Variants in COL6A5 observed in about 807,000 individuals in gnomAD.
The protein encoded by COL6A5 is collagen alpha-5(VI) chain.
COL6A5 carries 48 observed loss-of-function variants against 65.6 expected under a neutral mutation model. That is an observed-to-expected ratio of 0.73 (90% CI 0.58 to 0.93). COL6A5 has a LOEUF of 0.93. COL6A5 is among the 40% of genes least tolerant of loss of function. The pLI, the probability that COL6A5 is intolerant of heterozygous loss-of-function variation, is 0.00. For synonymous variants in COL6A5, 291 were observed against 322.8 expected (o/e 0.90, Z 1.05); for missense variants, 914 against 928.3 (o/e 0.98, Z 0.20).
intron 3 of COL6A5, among the ~76,000 whole-genome samples, chr3:130,442,689 A>G (rs190280461): frequency 1.6e-3 from 246 of 152,316 alleles, no homozygotes; most frequent in African/African-American, 5.7e-3. Context: ...ACAGGCAATG[A>G]CCACTGCATC....
chr3:130,375,272 C>T (rs1935722462), intron 2 of COL6A5, among the ~76,000 whole-genome samples: 1 of 152,136 alleles, frequency 6.6e-6, no homozygotes, highest in South Asian at 2.1e-4. Context: ...ACCTTCTGCT[C>T]CTTCTCTCCA....
intron 23 of COL6A5, 68 bp downstream of exon 23, chr3:130,415,775 C>T: frequency 1.5e-6 from 2 of 1,296,894 alleles, no homozygotes; most frequent in African/African-American, 1.5e-5. Context: ...GCAAAAAAAT[C>T]TTCACATATA....
At chr3:130,460,881 G>A (rs562208438) in intron 5 of COL6A5, among the ~76,000 whole-genome samples, 1 of 151,892 alleles carries the variant, frequency 6.6e-6, no homozygotes, top group South Asian at 2.1e-4. Flanking sequence ...TGGTGGTACT[G>A]GTGATGGAAG....
chr3:130,445,738 C>T (rs7628395), intron 4 of COL6A5, among the ~76,000 whole-genome samples: 126,104 of 152,048 alleles, frequency 0.83, 53,945 homozygotes, highest in Non-Finnish European at 0.93. Flanking sequence ...CTATGCAAAG[C>T]AGAATGATGA....
chr3:130,394,786 TGTAAATCAATTGAAGTATTTA>T, intron 7 of COL6A5, 83 bp from the exon 8 acceptor site: 5 of 774,760 alleles, frequency 6.5e-6, no homozygotes, highest in Non-Finnish European at 8.2e-6. Context: ...AATTTGCTAA[TGTAAATCAATTGAAGTATTTA>T]GTAAAGCAAT....
intron 1 of COL6A5, among the ~76,000 whole-genome samples, chr3:130,348,682 C>A (rs1934591022): frequency 6.6e-6 from 1 of 152,158 alleles, no homozygotes; most frequent in South Asian, 2.1e-4. Context: ...GTTCTAGATC[C>A]TTGAGGAATC....
intron 1 of COL6A5, among the ~76,000 whole-genome samples, chr3:130,371,648 C>A (rs1217911851): frequency 6.6e-6 from 1 of 152,036 alleles, no homozygotes; most frequent in Non-Finnish European, 1.5e-5. Flanking sequence ...GAAATTGTAT[C>A]CCTACCTCAC....
At chr3:130,388,475 A>T in intron 5 of COL6A5, 105 bp from the exon 6 acceptor site, 1 of 957,692 alleles carries the variant, frequency 1.0e-6, no homozygotes, top group Non-Finnish European at 1.5e-6. Context: ...TGCCTGAGTT[A>T]ATTTTCAATG....
At chr3:130,451,928 G>A (rs172815) in intron 4 of COL6A5, among the ~76,000 whole-genome samples, 21,777 of 152,038 alleles carry the variant, frequency 0.14, 2,035 homozygotes, top group East Asian at 0.33. Flanking sequence ...AAACAGTGAC[G>A]GGAATATAAT....
At chr3:130,463,302 T>C (rs1709741006) in intron 5 of COL6A5, among the ~76,000 whole-genome samples, 1 of 136,896 alleles carries the variant, frequency 7.3e-6, no homozygotes, top group African/African-American at 2.5e-5. Flanking sequence ...ATGGTTAATT[T>C]TGGCCCCTGA....
intron 14 of COL6A5, 149 bp from the exon 15 acceptor site, chr3:130,405,844 T>C (rs905419211): frequency 6.7e-5 from 61 of 909,798 alleles, no homozygotes; most frequent in Non-Finnish European, 1.0e-4. Flanking sequence ...AAGGAGTCTT[T>C]AGCATTAATA....
chr3:130,472,709 A>G (rs1329673727), intron 7 of COL6A5, among the ~76,000 whole-genome samples: 1 of 151,604 alleles, frequency 6.6e-6, no homozygotes, highest in Non-Finnish European at 1.5e-5. Context: ...GTGTTGCCCC[A>G]AAGTGGGAAC....
At chr3:130,449,856 C>A (rs1709392985) in intron 4 of COL6A5, among the ~76,000 whole-genome samples, 1 of 152,102 alleles carries the variant, frequency 6.6e-6, no homozygotes, top group Non-Finnish European at 1.5e-5. Context: ...TCAACGGAAT[C>A]AGAATTAATG....
chr3:130,479,937 G>T (rs1237534871), intron 7 of COL6A5, among the ~76,000 whole-genome samples: 2 of 151,938 alleles, frequency 1.3e-5, no homozygotes, highest in Admixed American at 6.6e-5. Flanking sequence ...AGAAAATGTT[G>T]TCTAAATGAC....
At chr3:130,446,716 G>C (rs997155910) in intron 4 of COL6A5, among the ~76,000 whole-genome samples, 2 of 151,974 alleles carry the variant, frequency 1.3e-5, no homozygotes, top group Admixed American at 6.5e-5. Flanking sequence ...TCTTCTGGTG[G>C]GTACCCAGAC....
At position 130,463,795 on chromosome 3, in the gene COL6A5, C is replaced by T. The variant is rs536502972; in HGVS notation, c.1545-5000C>T. Among the ~76,000 whole-genome samples, 3 of 152,154 alleles carry T rather than the reference C, an allele frequency of 2.0e-5. No homozygotes were observed. In the South Asian group the frequency reaches 6.2e-4, roughly 32 times the overall value. ...AAATATTTTTGAAGACCTTGTCTCC[C>T]TAAGTAAGATGAATTTAGACTCCAA... On this transcript the variant is annotated intron_variant, in intron 5 of 7. Coordinates refer to ENST00000512836, the Ensembl canonical transcript of COL6A5.
intron 4 of COL6A5, among the ~76,000 whole-genome samples, chr3:130,449,010 C>T (rs759883350): frequency 3.3e-5 from 5 of 152,156 alleles, no homozygotes; most frequent in East Asian, 1.9e-4. Context: ...GGTTACCATC[C>T]GCCATTTGCC....
chr3:130,446,486 A>AT (rs1709307467), intron 4 of COL6A5, among the ~76,000 whole-genome samples: 2 of 152,074 alleles, frequency 1.3e-5, no homozygotes, highest in South Asian at 4.1e-4. Flanking sequence ...AAATGGTGAG[A>AT]TTTTTAGGTT....
chr3:130,422,844 T>C (rs1937540686), intron 28 of COL6A5, 62 bp downstream of exon 28: 1 of 1,073,582 alleles, frequency 9.3e-7, no homozygotes. Context: ...GCTTTTATGT[T>C]ATAATAATAA....
Sources: allele counts gnomAD v4.1 joint callset (sites outside exome capture counted in the v4.1 genomes callset), GRCh38; gene constraint gnomAD v4.1.1; transcripts MANE v1.5; gene names NCBI Gene and HGNC (gene_info 2026-07-23, HGNC 2026-07-21).